SLC10A7: variants seen among roughly 807,000 people sequenced by gnomAD.
The protein encoded by SLC10A7 is solute carrier family 10 member 7, also known as sodium/bile acid cotransporter 7.
SLC10A7 carries 29 observed loss-of-function variants against 43.2 expected under a neutral mutation model. That is an observed-to-expected ratio of 0.67 (90% CI 0.50 to 0.92). SLC10A7 has a LOEUF of 0.92. Ranked by LOEUF, SLC10A7 falls within the 40% of genes least tolerant of loss-of-function variation. SLC10A7 has a pLI of 0.00. For synonymous variants in SLC10A7, 152 were observed against 144.8 expected, an observed-to-expected ratio of 1.05 and a Z score of -0.35; for missense variants, 295 against 403.2, an observed-to-expected ratio of 0.73 and a Z score of 2.30.
chr4:146,314,548 C>T (rs1263728204), intron 6 of SLC10A7, among the ~76,000 whole-genome samples: 1 of 152,104 alleles, frequency 6.6e-6, no homozygotes, highest in East Asian at 1.9e-4. Context: ...GCTAGCAGTG[C>T]CCCCATTTAC....
chr4:146,388,772 CAAAA>C (rs1224551383), intron 5 of SLC10A7, among the ~76,000 whole-genome samples: 1 of 74,810 alleles, frequency 1.3e-5, no homozygotes, highest in Non-Finnish European at 2.8e-5. Context: ...ACAACAACAA[CAAAA>C]AAAAAAACCC....
intron 5 of SLC10A7, among the ~76,000 whole-genome samples, chr4:146,427,042 A>G (rs1729417897): frequency 6.6e-6 from 1 of 152,214 alleles, no homozygotes; most frequent in Admixed American, 6.5e-5. Flanking sequence ...CTGTCTTTAG[A>G]AAATTCTTAC....
At chr4:146,294,176 G>T in intron 7 of SLC10A7, 81 bp from the exon 8 acceptor site, 1 of 1,119,444 alleles carries the variant, frequency 8.9e-7, no homozygotes, top group East Asian at 2.7e-5. Flanking sequence ...ATTCTGACAG[G>T]AGAAAGACAT....
At chr4:146,377,885 A>G (rs1026369194) in intron 5 of SLC10A7, among the ~76,000 whole-genome samples, 3 of 152,174 alleles carry the variant, frequency 2.0e-5, no homozygotes, top group Non-Finnish European at 4.4e-5. Context: ...CAAAATTCAA[A>G]CTTCATAGGT....
intron 4 of SLC10A7, among the ~76,000 whole-genome samples, chr4:146,488,791 C>T (rs1198657848): frequency 6.6e-6 from 1 of 152,050 alleles, no homozygotes; most frequent in African/African-American, 2.4e-5. Context: ...CAATATATAG[C>T]CTATTGTGTA....
intron 4 of SLC10A7, among the ~76,000 whole-genome samples, chr4:146,473,211 A>C (rs749614503): frequency 9.2e-5 from 14 of 152,248 alleles, no homozygotes; most frequent in Non-Finnish European, 2.1e-4. Flanking sequence ...AGATTACTAC[A>C]ACCGGCTGAC....
intron 5 of SLC10A7, among the ~76,000 whole-genome samples, chr4:146,401,199 G>A (rs1739201248): frequency 6.6e-6 from 1 of 152,044 alleles, no homozygotes; most frequent in South Asian, 2.1e-4. Flanking sequence ...TCTTCTGGTT[G>A]GAAAGACCTT....
chr4:146,442,780 T>C lies in SLC10A7; in HGVS notation c.435+3A>G. The C allele has an allele frequency of 6.2e-7, 1 of 1,603,214 alleles. No individual in the cohort carries two copies. Among genetic ancestry groups the C allele is most frequent in the Non-Finnish European group, 8.5e-7 (1 of 1,176,824 alleles). On this transcript the variant is annotated splice_donor_region_variant and intron_variant, in intron 5 of 11. Transcript: ENST00000335472. ...ATAGACAAGTTAAACTATGTTTACT[T>C]ACCAAAAAACTTCCAAAGGCTGAAT...
intron 4 of SLC10A7, among the ~76,000 whole-genome samples, chr4:146,462,507 C>G (rs1225899697): frequency 6.6e-6 from 1 of 152,146 alleles, no homozygotes; most frequent in Non-Finnish European, 1.5e-5. Context: ...AAACACTCTT[C>G]CTTCTCCACA....
intron 5 of SLC10A7, among the ~76,000 whole-genome samples, chr4:146,402,556 C>A (rs1404412166): frequency 2.0e-5 from 3 of 152,042 alleles, no homozygotes; most frequent in African/African-American, 7.2e-5. Flanking sequence ...GCCACTCCAA[C>A]CCTGGCTGCC....
chr4:146,385,294 G>T (rs1737913674), intron 5 of SLC10A7, among the ~76,000 whole-genome samples: 1 of 152,226 alleles, frequency 6.6e-6, no homozygotes, highest in South Asian at 2.1e-4. Flanking sequence ...ATTACAGAAG[G>T]TTGATATTAT....
At chr4:146,376,089 T>C (rs534284098) in intron 5 of SLC10A7, among the ~76,000 whole-genome samples, 2 of 152,270 alleles carry the variant, frequency 1.3e-5, no homozygotes, top group African/African-American at 4.8e-5. Context: ...ATGGAAGAGA[T>C]GCATAGAGTG....
At chr4:146,380,276 C>G (rs1293564146) in intron 5 of SLC10A7, among the ~76,000 whole-genome samples, 4 of 151,918 alleles carry the variant, frequency 2.6e-5, no homozygotes, top group Admixed American at 6.6e-5. Context: ...TGTGAATTTC[C>G]AGAAAAGGCA....
intron 5 of SLC10A7, among the ~76,000 whole-genome samples, chr4:146,369,472 A>G (rs1190421081): frequency 1.3e-5 from 2 of 152,222 alleles, no homozygotes; most frequent in African/African-American, 4.8e-5. Flanking sequence ...GGCAAATAGA[A>G]GCAAACACGC....
intron 10 of SLC10A7, among the ~76,000 whole-genome samples, chr4:146,267,504 G>A (rs1728635447): frequency 6.6e-6 from 1 of 152,136 alleles, no homozygotes; most frequent in African/African-American, 2.4e-5. Flanking sequence ...CTAAGTGATT[G>A]GTCTTTTGCT....
intron 5 of SLC10A7, among the ~76,000 whole-genome samples, chr4:146,383,808 T>A (rs1341781136): frequency 1.3e-5 from 2 of 152,184 alleles, no homozygotes; most frequent in African/African-American, 4.8e-5. Context: ...TCATTGATGA[T>A]GAAGACAACA....
intron 10 of SLC10A7, among the ~76,000 whole-genome samples, chr4:146,272,138 A>G (rs1370272116): frequency 6.6e-6 from 1 of 152,202 alleles, no homozygotes; most frequent in Non-Finnish European, 1.5e-5. Flanking sequence ...TACCAAATAA[A>G]CACTTGCTGA....
At chr4:146,434,034 G>T (rs1320747998) in intron 5 of SLC10A7, among the ~76,000 whole-genome samples, 1 of 151,676 alleles carries the variant, frequency 6.6e-6, no homozygotes, top group Non-Finnish European at 1.5e-5. Flanking sequence ...AATAGCGAAA[G>T]AATAAATACT....
At position 146,512,560 on chromosome 4, in the gene SLC10A7, T is replaced by A. The variant is rs1419315640; in HGVS notation, c.184-2511A>T. The stretch of plus-strand genomic sequence containing the variant: ...TATGAGCTATTAAATACCTTGTTGA[T>A]GAGAATGCAGGTGTACAGAATCTCT... On this transcript the variant is annotated intron_variant, in intron 2 of 11. Transcript: ENST00000335472. Among the ~76,000 whole-genome samples, 4 of 152,202 alleles carry A rather than the reference T, an allele frequency of 2.6e-5. No individual in the cohort carries two copies. In the South Asian group the frequency reaches 8.3e-4, roughly 32 times the overall value.
Sources: gnomAD v4.1 joint callset for allele counts (sites outside exome capture counted in the v4.1 genomes callset) on GRCh38, gnomAD v4.1.1 for gene constraint, MANE v1.5 for transcripts, NCBI Gene and HGNC (gene_info 2026-07-23, HGNC 2026-07-21) for gene names.